PLAAT3: variants seen among roughly 807,000 people sequenced by gnomAD.
The protein encoded by PLAAT3 is Ca-independent phospholipase A1/2.
A neutral mutation model predicts 16.7 loss-of-function variants in PLAAT3; 21 were observed. That is an observed-to-expected ratio of 1.26 (90% CI 0.89 to 1.81). The LOEUF (loss-of-function observed/expected upper bound fraction) is 1.81. Ranked by LOEUF, PLAAT3 falls within the 40% of genes most tolerant of loss-of-function variation. The pLI is 0.00. For missense variants in PLAAT3, 219 were observed against 213.7 expected, an observed-to-expected ratio of 1.02 and a Z score of -0.16; for synonymous variants, 76 against 81.7, an observed-to-expected ratio of 0.93 and a Z score of 0.38.
chr11:63,615,681 T>G (rs1938856705), upstream of PLAAT3, among the ~76,000 whole-genome samples: 1 of 151,696 alleles, frequency 6.6e-6, no homozygotes, highest in Non-Finnish European at 1.5e-5. Flanking sequence ...TTTTTGTTTT[T>G]TTTTTTTTGA....
At chr11:63,606,750 G>A (rs905823448) in intron 2 of PLAAT3, among the ~76,000 whole-genome samples, 5 of 152,212 alleles carry the variant, frequency 3.3e-5, no homozygotes, top group Non-Finnish European at 7.3e-5. Flanking sequence ...GGAGGCCAAC[G>A]AGGCCGGAGT....
At chr11:63,600,035 T>C (rs1192735433) in intron 2 of PLAAT3, among the ~76,000 whole-genome samples, 1 of 152,074 alleles carries the variant, frequency 6.6e-6, no homozygotes, top group East Asian at 1.9e-4. Flanking sequence ...GGCTGGAGTG[T>C]AGTGGCATGA....
intron 4 of PLAAT3, among the ~76,000 whole-genome samples, chr11:63,579,612 C>T (rs1338871531): frequency 6.6e-6 from 1 of 151,154 alleles, no homozygotes; most frequent in Admixed American, 6.6e-5. Flanking sequence ...TTTCAGCAAA[C>T]TATCACAAGG....
chr11:63,579,888 AAAG>A lies in PLAAT3; in HGVS notation c.388-4845_388-4843del, dbSNP rs1452990182. 4.4e-3 allele frequency among the ~76,000 whole-genome samples: 661 copies of A among 150,794 alleles called. 4 individuals are homozygous for A. The highest frequency in any genetic ancestry group is 0.015 in the African/African-American group (621 of 40,920). On this transcript the variant is annotated intron_variant, in intron 4 of 4. Transcript: ENST00000415826. ...AAAGTATAATAAAAAAAAAAAAAAA[AAAG>A]AAGAAGACAATGGAGCAATGCCTCC...
rs569497136 is a variant in PLAAT3 at position 63,590,043 on chromosome 11, C to T, written c.387+57G>A. The T allele has an allele frequency of 4.2e-5, 65 of 1,552,158 alleles. 1 individual carries two copies. The South Asian group carries it at 4.3e-4, about 10-fold the overall frequency. On this transcript the variant is annotated intron_variant, in intron 4 of 4. Coordinates refer to ENST00000415826, the MANE Select transcript of PLAAT3 (RefSeq NM_001128203.2). ...TGCCTCCATAGCCATGCCCAGCCTC[C>T]GTCAGCAGAGGGAATGGTCTGGTTC...
chr11:63,598,635 A>T, intron 2 of PLAAT3: 1 of 511,734 alleles, frequency 2.0e-6, no homozygotes, highest in Non-Finnish European at 3.9e-6. Flanking sequence ...CTGAACGCCC[A>T]GTTGGCTGAT....
At chr11:63,581,164 C>T (rs683452) in intron 4 of PLAAT3, among the ~76,000 whole-genome samples, 82,691 of 151,968 alleles carry the variant, frequency 0.54, 23,233 homozygotes, top group African/African-American at 0.67. Context: ...TTGAACAATA[C>T]GAAATCAGTG....
intron 1 of PLAAT3, 33 bp downstream of exon 1, chr11:63,614,352 T>C: frequency 2.8e-6 from 1 of 356,380 alleles, no homozygotes. Flanking sequence ...CCCGGCCTTA[T>C]CGCACCCTTC....
intron 1 of PLAAT3, 55 bp from the exon 2 acceptor site, chr11:63,614,123 A>AC (rs1469958937): frequency 2.7e-6 from 4 of 1,457,946 alleles, no homozygotes; most frequent in Non-Finnish European, 3.8e-6. Flanking sequence ...GCGTCTCCAG[A>AC]CCCCACGGGA....
At chr11:63,593,384 A>G (rs1248916116) in intron 3 of PLAAT3, among the ~76,000 whole-genome samples, 1 of 152,234 alleles carries the variant, frequency 6.6e-6, no homozygotes, top group Non-Finnish European at 1.5e-5. Flanking sequence ...AAGGAACAGC[A>G]GGAATGAAGT....
At chr11:63,579,887 AAAAG>A (rs1937754491) in intron 4 of PLAAT3, among the ~76,000 whole-genome samples, 2 of 150,772 alleles carry the variant, frequency 1.3e-5, no homozygotes, top group African/African-American at 4.9e-5. Flanking sequence ...AAAAAAAAAA[AAAAG>A]AAGAAGACAA....
chr11:63,603,882 T>C (rs1938495047), intron 2 of PLAAT3, among the ~76,000 whole-genome samples: 1 of 152,210 alleles, frequency 6.6e-6, no homozygotes, highest in South Asian at 2.1e-4. Context: ...CCGGGCACAG[T>C]GGCTCATGCC....
intron 4 of PLAAT3, among the ~76,000 whole-genome samples, chr11:63,580,947 T>C (rs554499053): frequency 6.6e-6 from 1 of 152,336 alleles, no homozygotes; most frequent in African/African-American, 2.4e-5. Flanking sequence ...CCAAAATTAA[T>C]ACTTTCATAA....
intron 2 of PLAAT3, among the ~76,000 whole-genome samples, chr11:63,610,516 T>C (rs1166208096): frequency 6.6e-6 from 1 of 152,144 alleles, no homozygotes; most frequent in Non-Finnish European, 1.5e-5. Flanking sequence ...GGCTTCCTCC[T>C]CCAGCCCCTC....
At chr11:63,601,375 T>G (rs1467885240) in intron 2 of PLAAT3, among the ~76,000 whole-genome samples, 1 of 147,502 alleles carries the variant, frequency 6.8e-6, no homozygotes, top group African/African-American at 2.5e-5. Flanking sequence ...ATTTACAGTT[T>G]AGAAGGGAAA....
intron 4 of PLAAT3, among the ~76,000 whole-genome samples, chr11:63,578,274 C>T (rs1937683956): frequency 6.6e-6 from 1 of 150,862 alleles, no homozygotes; most frequent in Non-Finnish European, 1.5e-5. Context: ...CAGAGCAAGA[C>T]TCAGTCTCAA....
intron 2 of PLAAT3, among the ~76,000 whole-genome samples, chr11:63,603,845 C>T (rs746619270): frequency 6.6e-6 from 1 of 151,856 alleles, no homozygotes; most frequent in Admixed American, 6.6e-5. Flanking sequence ...ATTATTATTC[C>T]ATTGTTGCTT....
intron 2 of PLAAT3, among the ~76,000 whole-genome samples, chr11:63,603,447 C>T (rs1321479784): frequency 6.6e-6 from 1 of 152,114 alleles, no homozygotes; most frequent in Admixed American, 6.6e-5. Context: ...CAACCATTTT[C>T]CTTAGCAAGC....
intron 2 of PLAAT3, among the ~76,000 whole-genome samples, chr11:63,605,918 A>C (rs929361104): frequency 2.0e-5 from 3 of 152,116 alleles, no homozygotes; most frequent in Non-Finnish European, 4.4e-5. Flanking sequence ...ATGTCAGGGC[A>C]ATGACAACAC....
Sources: gnomAD v4.1 joint callset for allele counts (sites outside exome capture counted in the v4.1 genomes callset) on GRCh38, gnomAD v4.1.1 for gene constraint, MANE v1.5 for transcripts, NCBI Gene and HGNC (gene_info 2026-07-23, HGNC 2026-07-21) for gene names.